SPOPL: variants seen among roughly 807,000 people sequenced by gnomAD.
SPOPL encodes speckle-type POZ protein-like.
In SPOPL, 23 loss-of-function variants were observed where a neutral mutation model predicts 53.8. The observed-to-expected ratio is 0.43, with a 90% CI of 0.31 to 0.61. The LOEUF (loss-of-function observed/expected upper bound fraction) is 0.61. Ranked by LOEUF, SPOPL falls within the 20% of genes least tolerant of loss-of-function variation. The pLI, the probability that SPOPL is intolerant of heterozygous loss-of-function variation, is 0.12. For synonymous variants in SPOPL, 164 were observed against 149.7 expected (o/e 1.10, Z -0.70); for missense variants, 442 against 466.9 (o/e 0.95, Z 0.49).
In SPOPL at chr2:138,569,211, A is replaced by G. The variant is rs1685729066; in HGVS notation, c.*131A>G. 2.0e-6 allele frequency: 2 copies of G among 990,696 alleles called. No individual in the cohort carries two copies. The highest frequency in any genetic ancestry group is 3.5e-5 in the South Asian group (2 of 57,446). 61.4% of individuals were successfully genotyped at this position (990,696 alleles called of 1,614,324 possible). On this transcript the variant is annotated 3_prime_UTR_variant, in exon 11 of 11. Transcript: ENST00000280098. ...CACAGAACAGAAGCTGAAAAAGCATATTGCTTGCATTTCAGGTGGATAATT... is the reference window on the plus strand; with the variant it reads ...CACAGAACAGAAGCTGAAAAAGCATGTTGCTTGCATTTCAGGTGGATAATT...
intron 1 of SPOPL, among the ~76,000 whole-genome samples, chr2:138,547,851 C>T (rs1685231476): frequency 6.6e-6 from 1 of 152,108 alleles, no homozygotes; most frequent in African/African-American, 2.4e-5. Context: ...AAAGCAATGT[C>T]TTGTTAGGCA....
chr2:138,559,513 A>T (rs1261520379), intron 7 of SPOPL, among the ~76,000 whole-genome samples, 176 bp downstream of exon 7: 1 of 152,218 alleles, frequency 6.6e-6, no homozygotes, highest in Non-Finnish European at 1.5e-5. Context: ...CTCAGTGTGG[A>T]TGTGCAGTCA....
chr2:138,562,925 G>GA (rs914285141), intron 8 of SPOPL, among the ~76,000 whole-genome samples: 5 of 151,132 alleles, frequency 3.3e-5, no homozygotes, highest in Admixed American at 6.6e-5. Flanking sequence ...TTCTGTAAAA[G>GA]AAAAAAAATG....
chr2:138,506,817 T>A (rs1210691059), intron 1 of SPOPL, among the ~76,000 whole-genome samples: 1 of 152,128 alleles, frequency 6.6e-6, no homozygotes, highest in Non-Finnish European at 1.5e-5. Context: ...TAGTGTACAG[T>A]TTATAATTGA....
chr2:138,573,285 T>A lies in SPOPL; in HGVS notation c.*4205T>A, dbSNP rs920001654. 3.3e-5 allele frequency: 5 copies of A among 152,270 alleles called. No homozygotes were observed. The highest frequency in any genetic ancestry group is 1.2e-4 in the African/African-American group (5 of 41,572). 9.4% of individuals were successfully genotyped at this position (152,270 alleles called of 1,614,324 possible). On this transcript the variant is annotated 3_prime_UTR_variant, in exon 11 of 11. Transcript: ENST00000280098. ...AGAATACATACTCTTCTTTTTCAGG[T>A]TGGTATGATGCTTTGCAAAAGAGCC...
intron 5 of SPOPL, among the ~76,000 whole-genome samples, chr2:138,558,467 T>C (rs1685474492): frequency 6.6e-6 from 1 of 152,084 alleles, no homozygotes; most frequent in African/African-American, 2.4e-5. Flanking sequence ...TTTAAATCAG[T>C]TTAATATGTA....
At chr2:138,502,703 T>C (rs776654705) in intron 1 of SPOPL, among the ~76,000 whole-genome samples, 4 of 152,198 alleles carry the variant, frequency 2.6e-5, no homozygotes, top group Non-Finnish European at 4.4e-5. Context: ...TGCTCACTTA[T>C]ACCAGAGTAC....
rs773300683 is a variant in SPOPL at position 138,550,506 on chromosome 2, T to C, written c.102T>C (p.Tyr34=). Reference sequence around the variant, plus strand: ...AGGTTAAAGTAGTAAAATTTTCCTATATGTGGACCATTAATAACTTCAGTT... The same window carrying C: ...AGGTTAAAGTAGTAAAATTTTCCTACATGTGGACCATTAATAACTTCAGTT... The part of the protein sequence containing the change: ...YTQVKVVKFS[Y]MWTINNFSFC... The change falls in exon 3 of 11, where the codon TAT becomes TAC. Residue 34 remains tyrosine (Y), a synonymous_variant. Coordinates refer to ENST00000280098, the MANE Select transcript of SPOPL (RefSeq NM_001001664.3). 1.9e-6 allele frequency: 3 copies of C among 1,610,572 alleles called. No individual in the cohort carries two copies. The highest frequency in any genetic ancestry group is 4.5e-5 in the East Asian group (2 of 44,784).
At chr2:138,566,315 T>C (rs1685658575) in intron 10 of SPOPL, among the ~76,000 whole-genome samples, 1 of 152,294 alleles carries the variant, frequency 6.6e-6, no homozygotes, top group East Asian at 1.9e-4. Flanking sequence ...TGGCAATTTA[T>C]GATCCTTTGT....
chr2:138,552,750 T>TGTC, intron 5 of SPOPL, 69 bp downstream of exon 5: 1 of 1,480,778 alleles, frequency 6.8e-7, no homozygotes, highest in South Asian at 1.3e-5. Context: ...TAAACTGGAT[T>TGTC]AATAACACTT....
At chr2:138,565,977 G>A (rs1188690757) in intron 10 of SPOPL, among the ~76,000 whole-genome samples, 5 of 151,964 alleles carry the variant, frequency 3.3e-5, no homozygotes, top group Admixed American at 6.6e-5. Context: ...CTCATGATCC[G>A]CCTGTCTTGG....
intron 4 of SPOPL, among the ~76,000 whole-genome samples, chr2:138,551,767 AT>A (rs983792706): frequency 1.2e-4 from 18 of 152,146 alleles, no homozygotes; most frequent in African/African-American, 4.3e-4. Flanking sequence ...ATAGTGGAGT[AT>A]TTCAGGTAGA....
At chr2:138,550,827 T>TTCTCTCTCTCTCTCTCTC (rs66690846) in intron 3 of SPOPL, 76 bp from the exon 4 acceptor site, 4 of 1,368,352 alleles carry the variant, frequency 2.9e-6, no homozygotes, top group African/African-American at 1.5e-5. Flanking sequence ...CTCTCTCTCT[T>TTCTCTCTCTCTCTCTCTC]TCTCTCTCTC....
rs547585599 is a variant in SPOPL at position 138,572,873 on chromosome 2, A to G, written c.*3793A>G. 7.2e-5 allele frequency: 11 copies of G among 152,662 alleles called. No individual in the cohort carries two copies. In the South Asian group the frequency reaches 2.3e-3, roughly 32 times the overall value. The allele number at this position is 152,662 out of a possible 1,614,324, so 9.5% of individuals were successfully genotyped here. A position where few individuals can be genotyped will look rare whatever the true frequency, so the allele number is the denominator to read the frequency against. On this transcript the variant is annotated 3_prime_UTR_variant, in exon 11 of 11. Coordinates refer to ENST00000280098, the MANE Select transcript of SPOPL (RefSeq NM_001001664.3). ...AAATCACACAGTGTCTTCTGTTTGC[A>G]GTATGTGAACTTTATGTTTGAAAAG...
intron 5 of SPOPL, among the ~76,000 whole-genome samples, chr2:138,553,563 A>G (rs1680064781): frequency 6.6e-6 from 1 of 152,128 alleles, no homozygotes; most frequent in Non-Finnish European, 1.5e-5. Flanking sequence ...TAGGAATATA[A>G]TAACTTCTTA....
chr2:138,569,030 G>A lies in SPOPL; in HGVS notation c.1129G>A (p.Ala377Thr). Reference sequence around the variant, plus strand: ...AGAAGCCTTTCGAGCACTAGCATCTGCACAGTGTCCACAGTTTGGCATTCC... The same window carrying A: ...AGAAGCCTTTCGAGCACTAGCATCTACACAGTGTCCACAGTTTGGCATTCC... ...VAEAFRALAS[A>T]QCPQFGIPRK... is the part of the protein sequence containing the mutation. Residue 377 changes from alanine to threonine, a missense_variant, in exon 11 of 11, where the codon GCA (alanine) becomes ACA (threonine). Transcript: ENST00000280098. 6.2e-7 allele frequency: 1 copy of A among 1,613,966 alleles called. No individual in the cohort carries two copies. Among genetic ancestry groups the A allele is most frequent in the Non-Finnish European group, 8.5e-7 (1 of 1,179,932 alleles).
chr2:138,514,261 A>G (rs1023052131), intron 1 of SPOPL, among the ~76,000 whole-genome samples: 4 of 152,298 alleles, frequency 2.6e-5, no homozygotes, highest in African/African-American at 2.4e-5. Flanking sequence ...ATCAATCAAC[A>G]TATGTAAAAT....
intron 1 of SPOPL, among the ~76,000 whole-genome samples, chr2:138,527,580 C>T (rs1418752757): frequency 6.6e-6 from 1 of 152,148 alleles, no homozygotes; most frequent in East Asian, 1.9e-4. Context: ...TTGTCTTATT[C>T]AATTGTACTT....
chr2:138,527,868 G>T (rs1684710833), intron 1 of SPOPL, among the ~76,000 whole-genome samples: 2 of 152,136 alleles, frequency 1.3e-5, no homozygotes, highest in Admixed American at 6.5e-5. Context: ...GACACTTTCG[G>T]TACAAGTGGG....
Sources: gnomAD v4.1 joint callset for allele counts (sites outside exome capture counted in the v4.1 genomes callset) on GRCh38, gnomAD v4.1.1 for gene constraint, MANE v1.5 for transcripts, NCBI Gene and HGNC (gene_info 2026-07-23, HGNC 2026-07-21) for gene names.